Variants in DLGAP1 observed in about 807,000 individuals in gnomAD.
DLGAP1 encodes disks large-associated protein 1.
A neutral mutation model predicts 90.8 loss-of-function variants in DLGAP1; 11 were observed. That is an observed-to-expected ratio of 0.12 (90% CI 0.08 to 0.20). The LOEUF (loss-of-function observed/expected upper bound fraction) is 0.20. Among genes scored for constraint, DLGAP1 ranks in the 10% least tolerant of loss-of-function variants. The probability of loss-of-function intolerance (pLI) is 1.00; values close to 1 mark genes in which losing one functional copy is unlikely to be tolerated. For synonymous variants in DLGAP1, 558 were observed against 540.7 expected, an observed-to-expected ratio of 1.03 and a Z score of -0.44; for missense variants, 1,050 against 1,333.8, an observed-to-expected ratio of 0.79 and a Z score of 3.31.
chr18:3,814,287 A>T lies in DLGAP1; in HGVS notation c.958-14T>A. On this transcript the variant is annotated splice_polypyrimidine_tract_variant and intron_variant, in intron 4 of 12. Transcript: ENST00000315677. Reference sequence around the variant, plus strand: ...ATCTTGTGGAACCTATTCAGATAGAAAACAGATAAATCACTTTTTATAAAA... The same window carrying T: ...ATCTTGTGGAACCTATTCAGATAGATAACAGATAAATCACTTTTTATAAAA... 2 of 1,607,258 alleles carry T rather than the reference A, an allele frequency of 1.2e-6. No individual in the cohort carries two copies. Among genetic ancestry groups the T allele is most frequent in the South Asian group, 2.2e-5 (2 of 90,746 alleles).
At chr18:3,511,196 A>C (rs2050520305) in intron 10 of DLGAP1, among the ~76,000 whole-genome samples, 1 of 152,110 alleles carries the variant, frequency 6.6e-6, no homozygotes, top group South Asian at 2.1e-4. Context: ...GCAGATGACA[A>C]CTCATATTTC....
rs184254830 is a variant in DLGAP1 at position 3,524,576 on chromosome 18, A to G, written c.2479+9618T>C. On this transcript the variant is annotated intron_variant, in intron 10 of 12. Transcript: ENST00000315677. Reference sequence around the variant, plus strand: ...AGCATATAAACCTCAAATATACACAAAATTTATTTCAAAAATATCGAGTCA... The same window carrying G: ...AGCATATAAACCTCAAATATACACAGAATTTATTTCAAAAATATCGAGTCA... Among the ~76,000 whole-genome samples, 408 of 152,296 alleles carry G rather than the reference A, an allele frequency of 2.7e-3. 3 individuals carry two copies. Among genetic ancestry groups the G allele is most frequent in the African/African-American group, 9.2e-3 (381 of 41,558 alleles).
At chr18:4,258,835 C>T (rs1221123894) in intron 1 of DLGAP1, among the ~76,000 whole-genome samples, 1 of 152,046 alleles carries the variant, frequency 6.6e-6, no homozygotes, top group African/African-American at 2.4e-5. Flanking sequence ...ACTCTTTGGT[C>T]ATGAACAAAA....
At chr18:3,583,168 A>T (rs59289798) in intron 7 of DLGAP1, among the ~76,000 whole-genome samples, 22,112 of 126,168 alleles carry the variant, frequency 0.18, 2,045 homozygotes, top group South Asian at 0.23. Context: ...CTACCTACCT[A>T]CCTACCTACC....
intron 3 of DLGAP1, among the ~76,000 whole-genome samples, chr18:3,999,069 G>A (rs2074127790): frequency 6.6e-6 from 1 of 151,932 alleles, no homozygotes; most frequent in Admixed American, 6.6e-5. Context: ...AACAAGTCTA[G>A]TTTTTCTCCC....
chr18:3,627,904 G>A (rs1417974800), intron 7 of DLGAP1, among the ~76,000 whole-genome samples: 1 of 113,356 alleles, frequency 8.8e-6, no homozygotes, highest in East Asian at 2.9e-4. Flanking sequence ...TTGAGATGGA[G>A]TCTCGCTCTG....
At chr18:3,745,462 C>G (rs2063229263) in intron 5 of DLGAP1, among the ~76,000 whole-genome samples, 1 of 151,960 alleles carries the variant, frequency 6.6e-6, no homozygotes, top group Non-Finnish European at 1.5e-5. Context: ...AGAAAGAAGG[C>G]CAGTTAAGGT....
chr18:3,788,030 T>C (rs2065541139), intron 5 of DLGAP1, among the ~76,000 whole-genome samples: 1 of 152,224 alleles, frequency 6.6e-6, no homozygotes, highest in South Asian at 2.1e-4. Flanking sequence ...GCCTGCTCTG[T>C]GGGTCCAATA....
chr18:3,507,321 TAAAAC>T (rs71366673), intron 11 of DLGAP1, among the ~76,000 whole-genome samples: 44,750 of 148,004 alleles, frequency 0.3, 7,299 homozygotes, highest in African/African-American at 0.43. Flanking sequence ...CCGTCTCTAC[TAAAAC>T]AAAACAAAAC....
intron 1 of DLGAP1, among the ~76,000 whole-genome samples, chr18:4,416,187 G>A (rs77043667): frequency 0.033 from 5,076 of 152,120 alleles, 276 homozygotes; most frequent in African/African-American, 0.11. Context: ...GAAGAACAAA[G>A]AATATGTTCA....
chr18:4,271,782 A>G (rs2079290177), intron 1 of DLGAP1, among the ~76,000 whole-genome samples: 1 of 152,164 alleles, frequency 6.6e-6, no homozygotes, highest in Non-Finnish European at 1.5e-5. Context: ...TTTGCTTTTG[A>G]CCTTTCTGCT....
At chr18:3,700,364 C>T (rs966916282) in intron 7 of DLGAP1, among the ~76,000 whole-genome samples, 6 of 152,148 alleles carry the variant, frequency 3.9e-5, no homozygotes, top group African/African-American at 9.7e-5. Context: ...AGGCTTCCTT[C>T]GGCTAGGGGA....
intron 4 of DLGAP1, chr18:3,874,324 C>T (rs1445019089): frequency 2.0e-6 from 3 of 1,527,802 alleles, no homozygotes; most frequent in African/African-American, 1.4e-5. Context: ...TCCACTTCTA[C>T]CGCGGAGAGA....
In DLGAP1 at chr18:3,582,095, C is replaced by G. The variant is rs1461636303; in HGVS notation, c.1745G>C (p.Ser582Thr). Residue 582 changes from serine (S) to threonine (T), a missense_variant, in exon 8 of 13, where the codon AGC (serine) becomes ACC (threonine). Physicochemically the swap from Ser to Thr is moderately conservative, Grantham distance 58 (BLOSUM62 1). Coordinates refer to ENST00000315677, the MANE Select transcript of DLGAP1 (RefSeq NM_004746.4). Reference sequence around the variant, plus strand: ...GGTGGAGTTGCTGAGTCCAGACTGGCTGATAATATCTCCTCGCTGGCCCTG... The same window carrying G: ...GGTGGAGTTGCTGAGTCCAGACTGGGTGATAATATCTCCTCGCTGGCCCTG... The part of the protein sequence containing the change: ...DGQGQRGDII[S>T]QSGLSNSTES... 2 of 1,613,880 alleles carry G rather than the reference C, an allele frequency of 1.2e-6. No homozygotes were observed. Among genetic ancestry groups the G allele is most frequent in the Non-Finnish European group, 1.7e-6 (2 of 1,179,990 alleles).
chr18:4,333,680 T>C (rs1047988924), intron 1 of DLGAP1, among the ~76,000 whole-genome samples: 4 of 149,586 alleles, frequency 2.7e-5, no homozygotes, highest in South Asian at 2.1e-4. Context: ...AGTGCAGTGG[T>C]GTGATCTCGG....
intron 2 of DLGAP1, among the ~76,000 whole-genome samples, chr18:4,104,610 CT>C (rs1328946725): frequency 1.3e-5 from 2 of 152,110 alleles, no homozygotes; most frequent in African/African-American, 4.8e-5. Context: ...GCTTTTCTAT[CT>C]TTGAAAGTCT....
intron 1 of DLGAP1, among the ~76,000 whole-genome samples, chr18:4,238,551 CCT>C (rs2078465665): frequency 6.6e-6 from 1 of 152,056 alleles, no homozygotes; most frequent in South Asian, 2.1e-4. Context: ...AGAAATAATA[CCT>C]CTTTTTCACT....
intron 1 of DLGAP1, among the ~76,000 whole-genome samples, chr18:4,359,014 C>G (rs186820818): frequency 6.6e-6 from 1 of 152,204 alleles, no homozygotes; most frequent in African/African-American, 2.4e-5. Flanking sequence ...ACAGCCTTCC[C>G]TCTCAAACTC....
At chr18:3,949,419 G>A (rs1482415108) in intron 3 of DLGAP1, among the ~76,000 whole-genome samples, 1 of 152,150 alleles carries the variant, frequency 6.6e-6, no homozygotes, top group African/African-American at 2.4e-5. Context: ...GTGGCTCTGG[G>A]TTCTGGGTAC....
Sources: gnomAD v4.1 joint callset for allele counts (sites outside exome capture counted in the v4.1 genomes callset) on GRCh38, gnomAD v4.1.1 for gene constraint, MANE v1.5 for transcripts, NCBI Gene and HGNC (gene_info 2026-07-23, HGNC 2026-07-21) for gene names.